CCDC7: variants seen among roughly 807,000 people sequenced by gnomAD.
CCDC7 encodes the protein coiled-coil domain containing 7, also known as coiled-coil domain-containing protein 7.
CCDC7 carries 183 observed loss-of-function variants against 196.9 expected under a neutral mutation model. The ratio of observed to expected loss-of-function variants is 0.93; its 90% CI spans 0.82 to 1.05. The LOEUF (loss-of-function observed/expected upper bound fraction) is 1.05. CCDC7 is among the 50% of genes least tolerant of loss of function. The probability of loss-of-function intolerance (pLI) is 0.00; values close to 1 mark genes in which losing one functional copy is unlikely to be tolerated. For synonymous variants in CCDC7, 525 were observed against 484.6 expected (o/e 1.08, Z -1.10); for missense variants, 1,540 against 1,482.2 (o/e 1.04, Z -0.64).
At chr10:32,753,438 G>A (rs1046852679) in intron 28 of CCDC7, among the ~76,000 whole-genome samples, 1 of 151,928 alleles carries the variant, frequency 6.6e-6, no homozygotes, top group African/African-American at 2.4e-5. Flanking sequence ...AATCCACAAA[G>A]AATTTCTATG....
intron 28 of CCDC7, among the ~76,000 whole-genome samples, chr10:32,743,785 T>C (rs2074210174): frequency 6.6e-6 from 1 of 151,990 alleles, no homozygotes; most frequent in East Asian, 1.9e-4. Flanking sequence ...GTGGCACATA[T>C]ACACCATGGA....
At chr10:32,707,685 A>G (rs1414094063) in intron 24 of CCDC7, among the ~76,000 whole-genome samples, 2 of 152,178 alleles carry the variant, frequency 1.3e-5, no homozygotes, top group African/African-American at 2.4e-5. Context: ...TAACAGACAA[A>G]CAGAGAGCCA....
At chr10:32,666,259 G>A (rs866960262) in intron 21 of CCDC7, among the ~76,000 whole-genome samples, 4 of 151,288 alleles carry the variant, frequency 2.6e-5, no homozygotes, top group African/African-American at 9.7e-5. Flanking sequence ...AGATTACAAA[G>A]ATAATAATAT....
intron 31 of CCDC7, among the ~76,000 whole-genome samples, chr10:32,824,091 A>G (rs543185311): frequency 3.3e-5 from 5 of 152,262 alleles, no homozygotes; most frequent in African/African-American, 1.2e-4. Flanking sequence ...CTATGAAAAA[A>G]AATTGATGTT....
chr10:32,805,508 A>C (rs2085640089), intron 30 of CCDC7, among the ~76,000 whole-genome samples: 1 of 152,204 alleles, frequency 6.6e-6, no homozygotes, highest in Non-Finnish European at 1.5e-5. Flanking sequence ...AATTCCCTCT[A>C]TACTTTAAAA....
Position 32,462,717 on chromosome 10 carries a change from A to G in CCDC7, c.477+14A>G, listed in dbSNP as rs892121335. On this transcript the variant is annotated intron_variant, in intron 4 of 41. Coordinates refer to ENST00000639629, the Ensembl canonical transcript of CCDC7. Reference sequence around the variant, plus strand: ...TCTCTTTTTAAGGTACGTTCAATATATTACAGCTTAAGCCTACTAAAACTT... The same window carrying G: ...TCTCTTTTTAAGGTACGTTCAATATGTTACAGCTTAAGCCTACTAAAACTT... 6.8e-7 allele frequency: 1 copy of G among 1,462,126 alleles called. No homozygotes were observed. Among genetic ancestry groups the G allele is most frequent in the Non-Finnish European group, 9.3e-7 (1 of 1,076,648 alleles). 90.6% of individuals were successfully genotyped at this position (1,462,126 alleles called of 1,614,324 possible).
intron 40 of CCDC7, 46 bp downstream of exon 41, chr10:32,851,978 G>A: frequency 1.3e-6 from 2 of 1,520,908 alleles, no homozygotes; most frequent in Non-Finnish European, 1.8e-6. Context: ...TTAAAATAAA[G>A]CTATAACTAA....
rs1054607654 is a variant in CCDC7, at chr10:32,824,399, CTT to C, written c.3182-117_3182-116del. ...TTCCTATGTTGCTGCAATCTGGACA[CTT>C]TATTATAATTCTACTCCAATGAAGA... On this transcript the variant is annotated intron_variant, in intron 31 of 41. Coordinates refer to ENST00000639629, the Ensembl canonical transcript of CCDC7. 3.9e-5 allele frequency: 22 copies of C among 570,738 alleles called. No individual in the cohort carries two copies. In the African/African-American group the frequency reaches 3.9e-4, roughly 10 times the overall value. 35.4% of individuals were successfully genotyped at this position (570,738 alleles called of 1,614,324 possible). A position where few individuals can be genotyped will look rare whatever the true frequency, so the allele number is the denominator to read the frequency against.
rs191880279 is a variant in CCDC7 at position 32,570,658 on chromosome 10, A to G, written c.1420-1201A>G. Among the ~76,000 whole-genome samples the G allele has an allele frequency of 1.5e-4, 23 of 152,296 alleles. 1 individual carries two copies. The highest frequency in any genetic ancestry group is 2.9e-4 in the Non-Finnish European group (20 of 68,020). On this transcript the variant is annotated intron_variant, in intron 15 of 41. Transcript: ENST00000639629. The stretch of plus-strand genomic sequence containing the variant: ...TAGGCATAGTTATCTAGCTATCAGA[A>G]AAGAATATGGAGGACAAACATGAGT...
chr10:32,677,312 A>G (rs1315644330), intron 21 of CCDC7, among the ~76,000 whole-genome samples: 3 of 151,768 alleles, frequency 2.0e-5, no homozygotes, highest in Non-Finnish European at 2.9e-5. Flanking sequence ...ACATGTATAC[A>G]TATGTAACTA....
intron 13 of CCDC7, among the ~76,000 whole-genome samples, chr10:32,546,134 A>G (rs2052425384): frequency 3.3e-5 from 5 of 152,106 alleles, no homozygotes. Context: ...TGCTATAACC[A>G]CTGGGGATAG....
At chr10:32,747,081 TG>T (rs1414956542) in intron 28 of CCDC7, among the ~76,000 whole-genome samples, 3 of 152,230 alleles carry the variant, frequency 2.0e-5, no homozygotes, top group African/African-American at 7.2e-5. Flanking sequence ...GCCAGCAGAC[TG>T]GGAGACCCTT....
At chr10:32,650,290 T>G (rs1156813325) in intron 20 of CCDC7, among the ~76,000 whole-genome samples, 1 of 152,198 alleles carries the variant, frequency 6.6e-6, no homozygotes, top group Non-Finnish European at 1.5e-5. Flanking sequence ...ATTTTTGGTG[T>G]TGTAGTTTGG....
chr10:32,727,453 A>G (rs2083290660), intron 26 of CCDC7, among the ~76,000 whole-genome samples: 1 of 152,122 alleles, frequency 6.6e-6, no homozygotes, highest in Non-Finnish European at 1.5e-5. Flanking sequence ...TGAGAGGACG[A>G]AAAGATAGGC....
chr10:32,798,351 C>T (rs1406647280), intron 29 of CCDC7, among the ~76,000 whole-genome samples: 5 of 152,224 alleles, frequency 3.3e-5, no homozygotes, highest in African/African-American at 4.8e-5. Flanking sequence ...GTCCACATTG[C>T]TGAGCCCATG....
chr10:32,663,944 T>G lies in CCDC7; in HGVS notation c.2015-110T>G, dbSNP rs145334365. ...GAATTATAGTAATTTACTTATATTTTACATGTATAAAAATGAGACAGAATA... is the reference window on the plus strand; with the variant it reads ...GAATTATAGTAATTTACTTATATTTGACATGTATAAAAATGAGACAGAATA... On this transcript the variant is annotated intron_variant, in intron 20 of 41. Transcript: ENST00000639629. The G allele has an allele frequency of 8.2e-5, 30 of 367,192 alleles. No homozygotes were observed. The Admixed American group carries it at 1.4e-3, about 17-fold the overall frequency. The allele number at this position is 367,192 out of a possible 1,614,324, so 22.7% of individuals were successfully genotyped here.
At chr10:32,717,435 A>G (rs183083705) in intron 25 of CCDC7, among the ~76,000 whole-genome samples, 20 of 152,324 alleles carry the variant, frequency 1.3e-4, no homozygotes, top group Admixed American at 7.8e-4. Flanking sequence ...AGTGGGAAAG[A>G]CCTAAAATCC....
chr10:32,792,126 A>G (rs2082800272), intron 29 of CCDC7, among the ~76,000 whole-genome samples: 1 of 152,246 alleles, frequency 6.6e-6, no homozygotes. Flanking sequence ...AAATAAAGGA[A>G]AAATAATCTT....
chr10:32,463,539 G>A (rs2036170279), intron 5 of CCDC7, among the ~76,000 whole-genome samples: 2 of 152,010 alleles, frequency 1.3e-5, no homozygotes, highest in Non-Finnish European at 2.9e-5. Flanking sequence ...CTGTCCTTAG[G>A]GGCTTTTAAT....
Sources: gnomAD v4.1 joint callset for allele counts (sites outside exome capture counted in the v4.1 genomes callset) on GRCh38, gnomAD v4.1.1 for gene constraint, MANE v1.5 for transcripts, NCBI Gene and HGNC (gene_info 2026-07-23, HGNC 2026-07-21) for gene names.